The following TEP1 variants were observed in gnomAD, a reference collection of about 807,000 sequenced individuals.
TEP1 encodes the protein telomerase associated protein 1, also known as telomerase protein component 1.
TEP1 carries 241 observed loss-of-function variants against 306.3 expected under a neutral mutation model. The observed-to-expected ratio is 0.79, with a 90% CI of 0.71 to 0.88. The LOEUF (loss-of-function observed/expected upper bound fraction) is 0.88. Ranked by LOEUF, TEP1 falls within the 40% of genes least tolerant of loss-of-function variation. TEP1 has a pLI of 0.00. For synonymous variants in TEP1, 1,289 were observed against 1,305.5 expected, an observed-to-expected ratio of 0.99 and a Z score of 0.27; for missense variants, 3,051 against 3,276.1, an observed-to-expected ratio of 0.93 and a Z score of 1.68.
At chr14:20,384,350 T>C (rs1464009767) in intron 23 of TEP1, 41 bp downstream of exon 23, 1 of 1,612,968 alleles carries the variant, frequency 6.2e-7, no homozygotes. Flanking sequence ...GACCACCCCA[T>C]GTCCCTCTCC....
intron 53 of TEP1, 58 bp from the exon 54 acceptor site, chr14:20,368,960 A>C: frequency 7.8e-7 from 1 of 1,277,820 alleles, no homozygotes; most frequent in South Asian, 1.2e-5. Flanking sequence ...TCCTCAGAGA[A>C]GCATCACAAT....
In TEP1 at chr14:20,368,475, C is replaced by T. The variant is rs1193239658; in HGVS notation, c.7846G>A (p.Asp2616Asn). 8 of 1,614,214 alleles carry T rather than the reference C, an allele frequency of 5.0e-6. No individual in the cohort carries two copies. In the Admixed American group the frequency reaches 1.2e-4, roughly 24 times the overall value. Residue 2616 changes from aspartate (D) to asparagine (N), a missense_variant, in exon 55 of 55, where the codon GAC (aspartate) becomes AAC (asparagine). Coordinates refer to ENST00000262715, the MANE Select transcript of TEP1 (RefSeq NM_007110.5). ...AGAAAGTACACATTGCCCTGCACGT[C>T]TCCCACGGCAAGCTGCAGGGTGGAG... ...ANSTLQLAVG[D>N]VQGNVYFLNW...
At chr14:20,373,891 G>T in intron 44 of TEP1, 81 bp from the exon 45 acceptor site, 1 of 1,527,922 alleles carries the variant, frequency 6.5e-7, no homozygotes, top group South Asian at 1.2e-5. Flanking sequence ...GAGGTGGGTG[G>T]AGCATTAGGA....
chr14:20,411,724 G>T (rs1879693312), intron 1 of TEP1, among the ~76,000 whole-genome samples: 1 of 152,052 alleles, frequency 6.6e-6, no homozygotes, highest in Admixed American at 6.6e-5. Flanking sequence ...AATTTTCAGA[G>T]TGTCTATGAA....
At chr14:20,384,781 C>A (rs943282483) in intron 21 of TEP1, 68 bp from the exon 22 acceptor site, 1 of 1,524,944 alleles carries the variant, frequency 6.6e-7, no homozygotes, top group African/African-American at 1.4e-5. Flanking sequence ...CACCAACCAC[C>A]AGACATAGCT....
intron 1 of TEP1, among the ~76,000 whole-genome samples, chr14:20,412,846 A>C (rs1194951784): frequency 6.6e-6 from 1 of 151,726 alleles, no homozygotes; most frequent in South Asian, 2.1e-4. Flanking sequence ...TTTTCAGTAG[A>C]GAGGGTTTTC....
chr14:20,377,854 ACT>A (rs1237195214), intron 39 of TEP1, 101 bp from the exon 40 acceptor site: 2 of 1,506,772 alleles, frequency 1.3e-6, no homozygotes, highest in Non-Finnish European at 1.8e-6. Flanking sequence ...CCTTCCAGAG[ACT>A]CTTCTCATGA....
At chr14:20,371,466 G>A in intron 50 of TEP1, 23 bp downstream of exon 50, 7 of 1,609,978 alleles carry the variant, frequency 4.3e-6, no homozygotes, top group Non-Finnish European at 5.9e-6. Context: ...CAGCTCAGGA[G>A]GAAATGGCAT....
rs1257868764 is a variant in TEP1, at chr14:20,368,472, C to T, written c.7849G>A (p.Val2617Met). 5.6e-6 allele frequency: 9 copies of T among 1,614,042 alleles called. No individual in the cohort carries two copies. The highest frequency in any genetic ancestry group is 7.6e-6 in the Non-Finnish European group (9 of 1,180,034). Residue 2617 changes from valine (V) to methionine (M), a missense_variant, in exon 55 of 55, where the codon GTG (valine) becomes ATG (methionine). Val to Met is a conservative substitution (Grantham distance 21). Around this residue, in one of 3 missense-constraint regions of TEP1, gnomAD observed 1,540 missense variants for 1,705.9 expected, o/e 0.90. Transcript: ENST00000262715. Reference sequence around the variant, plus strand: ...TTCAGAAAGTACACATTGCCCTGCACGTCTCCCACGGCAAGCTGCAGGGTG... The same window carrying T: ...TTCAGAAAGTACACATTGCCCTGCATGTCTCCCACGGCAAGCTGCAGGGTG... ...NSTLQLAVGD[V>M]QGNVYFLNWE
chr14:20,378,217 G>T lies in TEP1; in HGVS notation c.5528C>A (p.Ala1843Asp). 6.2e-7 allele frequency: 1 copy of T among 1,613,536 alleles called. No homozygotes were observed. Among genetic ancestry groups the T allele is most frequent in the Non-Finnish European group, 8.5e-7 (1 of 1,180,036 alleles). ...ATTGAAGGCCAAGGTACGGATAGAG[G>T]CTCCGGGTGCCCCCAGGTCCTACAC... ...KVTKDLGAPG[A>D]SIRTLAFNVP... is the part of the protein sequence containing the mutation. Residue 1843 changes from alanine (A) to aspartate (D), a missense_variant, in exon 39 of 55, where the codon GCC becomes GAC. Physicochemically the swap from Ala to Asp is moderately radical, Grantham distance 126 (BLOSUM62 -2). This residue lies in a region of TEP1 where 1,540 missense variants were observed against 1,705.9 expected (regional missense o/e 0.90). Coordinates refer to ENST00000262715, the MANE Select transcript of TEP1 (RefSeq NM_007110.5).
intron 9 of TEP1, chr14:20,400,599 T>C (rs1878625148): frequency 6.5e-6 from 1 of 152,932 alleles, no homozygotes; most frequent in African/African-American, 2.4e-5. Context: ...TGTGGGCAAA[T>C]TACCTAAAAC....
At position 20,372,759 on chromosome 14, in the gene TEP1, C is replaced by G. The variant is rs532913465; in HGVS notation, c.7050G>C (p.Arg2350=). 25 of 1,614,120 alleles carry G rather than the reference C, an allele frequency of 1.5e-5. No homozygotes were observed. The South Asian group carries it at 2.1e-4, about 13-fold the overall frequency. The change falls in exon 49 of 55, where the codon CGG becomes CGC. Residue 2350 remains arginine, a synonymous_variant. Coordinates refer to ENST00000262715, the MANE Select transcript of TEP1 (RefSeq NM_007110.5). Reference sequence around the variant, plus strand: ...TCAAATTTCCGGGTGCCGAACCCTTCCGCAGTTTCACTTGCCACTCGCTGA... The same window carrying G: ...TCAAATTTCCGGGTGCCGAACCCTTGCGCAGTTTCACTTGCCACTCGCTGA... ...EKISEWQVKL[R]KGSAPGNLSL...
intron 5 of TEP1, 129 bp from the exon 6 acceptor site, chr14:20,404,013 A>C: frequency 7.9e-7 from 1 of 1,262,168 alleles, no homozygotes; most frequent in Non-Finnish European, 1.1e-6. Context: ...TAGCTCCAAA[A>C]TCACAATTTC....
chr14:20,380,072 G>A lies in TEP1; in HGVS notation c.5004-19C>T, dbSNP rs765095851. The A allele has an allele frequency of 9.3e-6, 15 of 1,606,070 alleles. No individual in the cohort carries two copies. In the South Asian group the frequency reaches 1.6e-4, roughly 17 times the overall value. On this transcript the variant is annotated intron_variant, in intron 34 of 54. Transcript: ENST00000262715. Reference sequence around the variant, plus strand: ...GCTGGAGCTAGAGAAAGAGTAGGAAGAAAGGGAGGAAATAAACGAGAGAAT... The same window carrying A: ...GCTGGAGCTAGAGAAAGAGTAGGAAAAAAGGGAGGAAATAAACGAGAGAAT...
rs747956803 is a variant in TEP1, at chr14:20,386,483, C to A, written c.2825G>T (p.Arg942Leu). 1 of 1,611,328 alleles carries A rather than the reference C, an allele frequency of 6.2e-7. No individual in the cohort carries two copies. Among genetic ancestry groups the A allele is most frequent in the Non-Finnish European group, 8.5e-7 (1 of 1,178,728 alleles). ...HRISLHGIDL[R>L]WGVTEEETRR... ...GGTCTCCTCCTCAGTGACGCCCCAG[C>A]GGAGGTCGATTCCGTGAAGGCTGAT... Residue 942 changes from arginine to leucine, a missense_variant, in exon 19 of 55, where the codon CGC becomes CTC. Around this residue, in one of 3 missense-constraint regions of TEP1, gnomAD observed 1,507 missense variants for 1,550.5 expected, o/e 0.97. Coordinates refer to ENST00000262715, the MANE Select transcript of TEP1 (RefSeq NM_007110.5).
chr14:20,409,159 T>A (rs1039382994), intron 1 of TEP1, among the ~76,000 whole-genome samples: 1 of 152,200 alleles, frequency 6.6e-6, no homozygotes, highest in East Asian at 1.9e-4. Flanking sequence ...AATAAATATA[T>A]CTTGGCCTTT....
intron 15 of TEP1, among the ~76,000 whole-genome samples, chr14:20,390,340 T>C (rs1169255542): frequency 6.6e-6 from 1 of 152,254 alleles, no homozygotes; most frequent in Non-Finnish European, 1.5e-5. Context: ...TTACATCTAC[T>C]ATATCAGGAG....
chr14:20,369,825 A>T (rs747971587), intron 51 of TEP1, 46 bp from the exon 52 acceptor site: 5 of 1,488,260 alleles, frequency 3.4e-6, no homozygotes, highest in Non-Finnish European at 9.4e-7. Flanking sequence ...ATATGAGTCA[A>T]CTTGTACCAG....
At position 20,368,001 on chromosome 14, in the gene TEP1, C is replaced by G. The variant is rs1309503722; in HGVS notation, c.*436G>C. On this transcript the variant is annotated 3_prime_UTR_variant, in exon 55 of 55. Coordinates refer to ENST00000262715, the MANE Select transcript of TEP1 (RefSeq NM_007110.5). Reference sequence around the variant, plus strand: ...ATGCATGACTGACTTATTCTCCCTCCCTCATTCTTTCCCGATGAACTGAAA... The same window carrying G: ...ATGCATGACTGACTTATTCTCCCTCGCTCATTCTTTCCCGATGAACTGAAA... 6.4e-6 allele frequency: 1 copy of G among 157,120 alleles called. No homozygotes were observed. The highest frequency in any genetic ancestry group is 1.4e-5 in the Non-Finnish European group (1 of 70,934). 9.7% of individuals were successfully genotyped at this position (157,120 alleles called of 1,614,324 possible).
Sources: allele counts gnomAD v4.1 joint callset (sites outside exome capture counted in the v4.1 genomes callset), GRCh38; gene constraint gnomAD v4.1.1; regional missense constraint gnomAD v4.1.1; transcripts MANE v1.5; gene names NCBI Gene and HGNC (gene_info 2026-07-23, HGNC 2026-07-21).